The following CTNNA3 variants were observed in gnomAD, a reference collection of about 807,000 sequenced individuals.
The protein encoded by CTNNA3 is catenin alpha-3.
A neutral mutation model predicts 95.7 loss-of-function variants in CTNNA3; 76 were observed. The ratio of observed to expected loss-of-function variants is 0.79; its 90% CI spans 0.66 to 0.96. The LOEUF is 0.96. CTNNA3 is among the 40% of genes least tolerant of loss of function. CTNNA3 has a pLI of 0.00. For missense variants in CTNNA3, 1,191 were observed against 1,089.8 expected, an observed-to-expected ratio of 1.09 and a Z score of -1.31; for synonymous variants, 431 against 374.4, an observed-to-expected ratio of 1.15 and a Z score of -1.74.
At chr10:66,895,540 T>C (rs1474693957) in intron 7 of CTNNA3, among the ~76,000 whole-genome samples, 1 of 152,190 alleles carries the variant, frequency 6.6e-6, no homozygotes, top group Non-Finnish European at 1.5e-5. Context: ...TTCTTTCTTT[T>C]ATATTCCAGG....
At chr10:67,161,863 T>A (rs996826681) in intron 7 of CTNNA3, among the ~76,000 whole-genome samples, 2 of 151,938 alleles carry the variant, frequency 1.3e-5, no homozygotes, top group African/African-American at 4.8e-5. Context: ...CAAACATTAA[T>A]CAAAAGAAAG....
intron 15 of CTNNA3, among the ~76,000 whole-genome samples, chr10:65,993,287 T>G (rs1335825570): frequency 6.6e-6 from 1 of 151,794 alleles, no homozygotes; most frequent in Non-Finnish European, 1.5e-5. Flanking sequence ...TTAAATACAA[T>G]GTTTCTTTTT....
At chr10:66,581,339 GT>G (rs1356417809) in intron 10 of CTNNA3, among the ~76,000 whole-genome samples, 1 of 151,378 alleles carries the variant, frequency 6.6e-6, no homozygotes, top group Non-Finnish European at 1.5e-5. Flanking sequence ...CATAGAGGTT[GT>G]ACTAATGTGT....
At chr10:66,083,035 T>A (rs2080824864) in intron 14 of CTNNA3, among the ~76,000 whole-genome samples, 1 of 49,322 alleles carries the variant, frequency 2.0e-5, no homozygotes, top group Non-Finnish European at 4.9e-5. Context: ...TCTAAAACTA[T>A]TTTTTTTTCT....
At chr10:65,924,523 C>A (rs561415978) in intron 17 of CTNNA3, among the ~76,000 whole-genome samples, 1 of 152,152 alleles carries the variant, frequency 6.6e-6, no homozygotes, top group Admixed American at 6.6e-5. Flanking sequence ...GATATTTCCA[C>A]GTACCTATAA....
intron 1 of CTNNA3, among the ~76,000 whole-genome samples, chr10:67,668,670 A>T (rs991020576): frequency 1.1e-4 from 17 of 152,050 alleles, no homozygotes; most frequent in African/African-American, 3.9e-4. Flanking sequence ...GAGACATAAC[A>T]GGATAACACA....
At chr10:67,173,001 G>T (rs141143426) in intron 7 of CTNNA3, among the ~76,000 whole-genome samples, 11 of 151,264 alleles carry the variant, frequency 7.3e-5, no homozygotes, top group Admixed American at 2.0e-4. Flanking sequence ...AATGTATCCC[G>T]GTTTGGATAA....
intron 10 of CTNNA3, among the ~76,000 whole-genome samples, chr10:66,563,330 G>T (rs545982399): frequency 9.3e-4 from 142 of 152,050 alleles, no homozygotes; most frequent in African/African-American, 2.7e-3. Context: ...AATTACAGAA[G>T]AATTAAAAGT....
intron 11 of CTNNA3, among the ~76,000 whole-genome samples, chr10:66,419,325 A>G (rs2093172407): frequency 6.6e-6 from 1 of 152,102 alleles, no homozygotes; most frequent in African/African-American, 2.4e-5. Flanking sequence ...TTACATAGGA[A>G]TAAACCAATG....
At chr10:66,513,785 T>C (rs1306393052) in intron 11 of CTNNA3, among the ~76,000 whole-genome samples, 1 of 152,156 alleles carries the variant, frequency 6.6e-6, no homozygotes, top group African/African-American at 2.4e-5. Context: ...GCTCTCAGGC[T>C]CTTGGAAGCA....
intron 10 of CTNNA3, among the ~76,000 whole-genome samples, chr10:66,580,045 T>C (rs561668872): frequency 6.0e-4 from 91 of 151,912 alleles, no homozygotes; most frequent in Non-Finnish European, 1.2e-3. Context: ...AAGTCTATTT[T>C]GTCCCTGTTG....
chr10:66,714,323 T>C (rs111624174), intron 9 of CTNNA3, among the ~76,000 whole-genome samples: 55 of 152,228 alleles, frequency 3.6e-4, no homozygotes, highest in African/African-American at 1.3e-3. Flanking sequence ...AAAATGGAAA[T>C]CCATTCTCTT....
chr10:66,939,145 C>G (rs1476862799), intron 7 of CTNNA3, among the ~76,000 whole-genome samples: 1 of 152,160 alleles, frequency 6.6e-6, no homozygotes, highest in African/African-American at 2.4e-5. Flanking sequence ...CTCCAACACT[C>G]AGAAGCTGAC....
At chr10:66,558,577 G>T (rs1842459919) in intron 10 of CTNNA3, among the ~76,000 whole-genome samples, 3 of 152,074 alleles carry the variant, frequency 2.0e-5, no homozygotes, top group Non-Finnish European at 2.9e-5. Context: ...AGGCCAAAAT[G>T]CCCTGATATT....
chr10:66,840,665 T>C (rs1192786990), intron 7 of CTNNA3, among the ~76,000 whole-genome samples: 1 of 152,110 alleles, frequency 6.6e-6, no homozygotes, highest in African/African-American at 2.4e-5. Flanking sequence ...AAATTCTAAT[T>C]TATTTGCTTT....
chr10:66,081,936 G>A (rs2080779113), intron 14 of CTNNA3, among the ~76,000 whole-genome samples: 1 of 152,050 alleles, frequency 6.6e-6, no homozygotes, highest in Non-Finnish European at 1.5e-5. Context: ...GACCAGCATG[G>A]TGAAACCCCA....
intron 5 of CTNNA3, among the ~76,000 whole-genome samples, chr10:67,325,862 T>A (rs1385485921): frequency 6.6e-6 from 1 of 152,184 alleles, no homozygotes; most frequent in Non-Finnish European, 1.5e-5. Flanking sequence ...ATTGTGGGAA[T>A]GTAAGATTCT....
At chr10:67,251,171 A>C (rs1410293218) in intron 5 of CTNNA3, among the ~76,000 whole-genome samples, 1 of 152,238 alleles carries the variant, frequency 6.6e-6, no homozygotes, top group African/African-American at 2.4e-5. Context: ...TATAGTACTG[A>C]TACATGCAAC....
intron 13 of CTNNA3, among the ~76,000 whole-genome samples, chr10:66,131,688 G>C (rs1046413969): frequency 1.3e-5 from 2 of 152,050 alleles, no homozygotes; most frequent in African/African-American, 2.4e-5. Context: ...CATGATACTG[G>C]TACAAAAACA....
Sources: allele counts gnomAD v4.1 joint callset (sites outside exome capture counted in the v4.1 genomes callset), GRCh38; gene constraint gnomAD v4.1.1; transcripts MANE v1.5; gene names NCBI Gene and HGNC (gene_info 2026-07-23, HGNC 2026-07-21).